The following SLC39A2 variants were observed in gnomAD, a reference collection of about 807,000 sequenced individuals.
SLC39A2 encodes zinc transporter ZIP2.
A neutral mutation model predicts 18.0 loss-of-function variants in SLC39A2; 14 were observed. The ratio of observed to expected loss-of-function variants is 0.78; its 90% CI spans 0.51 to 1.22. The LOEUF is 1.22. Among genes scored for constraint, SLC39A2 ranks in the 50% most tolerant of loss-of-function variants. SLC39A2 has a pLI of 0.00. For synonymous variants in SLC39A2, 152 were observed against 153.1 expected, an observed-to-expected ratio of 0.99 and a Z score of 0.05; for missense variants, 375 against 370.6, an observed-to-expected ratio of 1.01 and a Z score of -0.10.
Position 21,001,419 on chromosome 14 carries a change from C to T in SLC39A2, c.770C>T (p.Ala257Val), listed in dbSNP as rs1205106361. 3.7e-6 allele frequency: 6 copies of T among 1,614,060 alleles called. No homozygotes were observed. Among genetic ancestry groups the T allele is most frequent in the Non-Finnish European group, 5.1e-6 (6 of 1,179,944 alleles). Reference sequence around the variant, plus strand: ...GACTCTGAAGGAGGGCGGGGCTTAGCCCAGGCTGTGTTAGAGGGTGTGGCA... The same window carrying T: ...GACTCTGAAGGAGGGCGGGGCTTAGTCCAGGCTGTGTTAGAGGGTGTGGCA... ...GGDSEGGRGL[A>V]QAVLEGVAAG... Residue 257 changes from alanine (A) to valine (V), a missense_variant, in exon 4 of 4, where the codon GCC becomes GTC. Transcript: ENST00000298681.
chr14:20,999,866 G>C lies in SLC39A2; in HGVS notation c.240G>C (p.Met80Ile), dbSNP rs1193582825. The change falls in exon 2 of 4, where the codon ATG becomes ATC. Residue 80 changes from methionine (M) to isoleucine (I), a missense_variant. Coordinates refer to ENST00000298681, the MANE Select transcript of SLC39A2 (RefSeq NM_014579.4). ...TTGAATCACAGATTCAGAAGTTCATGGTGCAGGTGAGAGCAGAGATTTCAA... is the reference window on the plus strand; with the variant it reads ...TTGAATCACAGATTCAGAAGTTCATCGTGCAGGTGAGAGCAGAGATTTCAA... ...EEIESQIQKF[M>I]VQNRSASERN... The C allele has an allele frequency of 6.2e-7, 1 of 1,613,834 alleles. No individual in the cohort carries two copies. The highest frequency in any genetic ancestry group is 1.3e-5 in the African/African-American group (1 of 74,936).
chr14:21,001,431 T>TA lies in SLC39A2; in HGVS notation c.783dup (p.Glu262ArgfsTer23). On this transcript the variant is annotated frameshift_variant, in exon 4 of 4. Transcript: ENST00000298681. LOFTEE classifies it high-confidence loss of function. ...GGGCGGGGCTTAGCCCAGGCTGTGT[T>TA]AGAGGGTGTGGCAGCTGGTACCTTC... 6.2e-7 allele frequency: 1 copy of TA among 1,614,088 alleles called. No homozygotes were observed. Among genetic ancestry groups the TA allele is most frequent in the Non-Finnish European group, 8.5e-7 (1 of 1,179,946 alleles).
chr14:20,999,317 A>G lies in SLC39A2; in HGVS notation c.-130A>G. On this transcript the variant is annotated 5_prime_UTR_variant, in exon 1 of 4. Coordinates refer to ENST00000298681, the MANE Select transcript of SLC39A2 (RefSeq NM_014579.4). ...CAGAAGCAGAAGCAACACAGAAAGA[A>G]GATACCAACAGCCTCCTGAAACTCA... The G allele has an allele frequency of 1.5e-6, 1 of 675,914 alleles. No homozygotes were observed. Among genetic ancestry groups the G allele is most frequent in the Non-Finnish European group, 2.6e-6 (1 of 377,726 alleles). 41.9% of individuals were successfully genotyped at this position (675,914 alleles called of 1,614,324 possible).
rs754074276 is a variant in SLC39A2 at position 20,999,738 on chromosome 14, TTAGG to T, written c.116-2_117del. The stretch of plus-strand genomic sequence containing the variant: ...AGTGGGTTGTAACTTCTGCTTTTTA[TTAGG>T]TCATCACCGGCTAGTCCTCAGACTC... On this transcript the variant is annotated splice_acceptor_variant and splice_polypyrimidine_tract_variant and coding_sequence_variant and intron_variant, in exon 2 of 4. Coordinates refer to ENST00000298681, the MANE Select transcript of SLC39A2 (RefSeq NM_014579.4). LOFTEE classifies it high-confidence loss of function. 5.6e-6 allele frequency: 9 copies of T among 1,613,954 alleles called. No individual in the cohort carries two copies. In the East Asian group the frequency reaches 2.0e-4, roughly 36 times the overall value.
chr14:21,000,706 A>G (rs1053258473), intron 3 of SLC39A2, among the ~76,000 whole-genome samples: 4 of 152,112 alleles, frequency 2.6e-5, no homozygotes, highest in African/African-American at 9.7e-5. Context: ...TCCTGACCTC[A>G]AGTGATCTGC....
At chr14:21,000,861 A>T in intron 3 of SLC39A2, 86 bp from the exon 4 acceptor site, 2 of 1,141,634 alleles carry the variant, frequency 1.8e-6, no homozygotes, top group Non-Finnish European at 2.4e-6. Flanking sequence ...ACATTTTCTC[A>T]TTCTCTTCAA....
intron 3 of SLC39A2, among the ~76,000 whole-genome samples, chr14:21,000,450 C>T (rs1402120957): frequency 6.6e-6 from 1 of 152,152 alleles, no homozygotes; most frequent in Non-Finnish European, 1.5e-5. Context: ...CCCTTAGCCC[C>T]TCTGGCAGTC....
In SLC39A2 at chr14:21,001,692, C is replaced by T; in HGVS notation, c.*113C>T. 2.0e-5 allele frequency: 20 copies of T among 1,019,200 alleles called. No homozygotes were observed. The highest frequency in any genetic ancestry group is 2.7e-5 in the Non-Finnish European group (19 of 705,824). 63.1% of individuals were successfully genotyped at this position (1,019,200 alleles called of 1,614,324 possible). A position where few individuals can be genotyped will look rare whatever the true frequency, so the allele number is the denominator to read the frequency against. On this transcript the variant is annotated 3_prime_UTR_variant, in exon 4 of 4. Coordinates refer to ENST00000298681, the MANE Select transcript of SLC39A2 (RefSeq NM_014579.4). The stretch of plus-strand genomic sequence containing the variant: ...TTCTTTACTCAGACTAAATAGCATT[C>T]AGTAGGACTGGACTGGACCCCAGGT...
At position 20,999,398 on chromosome 14, in the gene SLC39A2, T is replaced by C. The variant is rs774566282; in HGVS notation, c.-49T>C. 5 of 1,411,002 alleles carry C rather than the reference T, an allele frequency of 3.5e-6. No homozygotes were observed. The East Asian group carries it at 1.1e-4, about 32-fold the overall frequency. The allele number at this position is 1,411,002 out of a possible 1,614,324, so 87.4% of individuals were successfully genotyped here. A position where few individuals can be genotyped will look rare whatever the true frequency, so the allele number is the denominator to read the frequency against. On this transcript the variant is annotated 5_prime_UTR_variant, in exon 1 of 4. Transcript: ENST00000298681. ...AAGATACCACTCCTGCTCCAAAGAT[T>C]ACAGCTCCCTTGTCATTCTGACTCC... is the stretch of plus-strand genomic sequence containing the variant.
In SLC39A2 at chr14:21,000,962, G is replaced by C; in HGVS notation, c.313G>C (p.Gly105Arg). Reference protein sequence around the residue: ...ADSAHMEYPYGELIISLGFFF... With the variant: ...ADSAHMEYPYRELIISLGFFF... Reference sequence around the variant, plus strand: ...TTGTTTCTAGATGGAGTATCCCTATGGAGAGCTCATCATCTCCCTGGGCTT... The same window carrying C: ...TTGTTTCTAGATGGAGTATCCCTATCGAGAGCTCATCATCTCCCTGGGCTT... The change falls in exon 4 of 4, where the codon GGA (glycine) becomes CGA (arginine). Residue 105 changes from glycine to arginine, a missense_variant. Physicochemically the swap from Gly to Arg is moderately radical, Grantham distance 125 (BLOSUM62 -2). Coordinates refer to ENST00000298681, the MANE Select transcript of SLC39A2 (RefSeq NM_014579.4). 1 of 1,511,380 alleles carries C rather than the reference G, an allele frequency of 6.6e-7. No individual in the cohort carries two copies. The highest frequency in any genetic ancestry group is 1.4e-5 in the South Asian group (1 of 72,474). The allele number at this position is 1,511,380 out of a possible 1,614,324, so 93.6% of individuals were successfully genotyped here.
rs1249892280 is a variant in SLC39A2 at position 21,001,057 on chromosome 14, G to A, written c.408G>A (p.Val136=). 6.2e-7 allele frequency: 1 copy of A among 1,606,348 alleles called. No homozygotes were observed. Among genetic ancestry groups the A allele is most frequent in the East Asian group, 2.2e-5 (1 of 44,764 alleles). ...CTGGGGCTGCTGGAGGATCGACAGT[G>A]CAGGACGAAGAATGGGGTGGGGCTC... ...CCPGAAGGST[V]QDEEWGGAHI... Residue 136 remains valine, a synonymous_variant, in exon 4 of 4, where the codon GTG becomes GTA. Coordinates refer to ENST00000298681, the MANE Select transcript of SLC39A2 (RefSeq NM_014579.4).
In SLC39A2 at chr14:21,001,296, A is replaced by C. The variant is rs527893268; in HGVS notation, c.647A>C (p.His216Pro). 1.3e-5 allele frequency: 21 copies of C among 1,614,196 alleles called. No individual in the cohort carries two copies. The East Asian group carries it at 2.2e-4, about 17-fold the overall frequency. The change falls in exon 4 of 4, where the codon CAT (histidine) becomes CCT (proline). Residue 216 changes from histidine to proline, a missense_variant. Transcript: ENST00000298681. Reference protein sequence around the residue: ...VVFGVGMRLVHLGTSSRWAVF... With the variant: ...VVFGVGMRLVPLGTSSRWAVF... Reference sequence around the variant, plus strand: ...TTTGGTGTAGGAATGCGGCTAGTGCATTTAGGTACCAGCTCACGATGGGCA... The same window carrying C: ...TTTGGTGTAGGAATGCGGCTAGTGCCTTTAGGTACCAGCTCACGATGGGCA...
chr14:21,001,706 T>C lies in SLC39A2; in HGVS notation c.*127T>C. ...TAAATAGCATTCAGTAGGACTGGAC[T>C]GGACCCCAGGTTTCCTTTACATGAG... On this transcript the variant is annotated 3_prime_UTR_variant, in exon 4 of 4. Coordinates refer to ENST00000298681, the MANE Select transcript of SLC39A2 (RefSeq NM_014579.4). 2.3e-6 allele frequency: 2 copies of C among 851,070 alleles called. No individual in the cohort carries two copies. The highest frequency in any genetic ancestry group is 5.3e-5 in the East Asian group (2 of 38,020). The allele number at this position is 851,070 out of a possible 1,614,324, so 52.7% of individuals were successfully genotyped here.
At chr14:20,999,693 T>C in intron 1 of SLC39A2, 49 bp from the exon 2 acceptor site, 1 of 1,611,860 alleles carries the variant, frequency 6.2e-7, no homozygotes, top group Non-Finnish European at 8.5e-7. Context: ...TACTCACCTT[T>C]GTCTGTCTCC....
Position 21,001,578 on chromosome 14 carries a change from G to A in SLC39A2, c.929G>A (p.Ter310=). The change falls in exon 4 of 4, where the codon TGA becomes TAA. Residue 310 remains the stop codon, a stop_retained_variant. Transcript: ENST00000298681. The stretch of plus-strand genomic sequence containing the variant: ...ATGGCCTTTATTGCCTTGTGGGCCT[G>A]AGAGATTCCTGGCTTTTCTGATGGA... The part of the protein sequence containing the change: ...AFMAFIALWA[*] 1 of 1,539,486 alleles carries A rather than the reference G, an allele frequency of 6.5e-7. No individual in the cohort carries two copies. Among genetic ancestry groups the A allele is most frequent in the East Asian group, 2.3e-5 (1 of 44,366 alleles).
rs756091366 is a variant in SLC39A2, at chr14:21,001,476, A to G, written c.827A>G (p.Glu276Gly). The G allele has an allele frequency of 1.9e-6, 3 of 1,613,808 alleles. No homozygotes were observed. In the Admixed American group the frequency reaches 5.0e-5, roughly 27 times the overall value. The change falls in exon 4 of 4, where the codon GAA (glutamate) becomes GGA (glycine). Residue 276 changes from glutamate (E) to glycine (G), a missense_variant. Physicochemically the swap from Glu to Gly is moderately conservative, Grantham distance 98. Coordinates refer to ENST00000298681, the MANE Select transcript of SLC39A2 (RefSeq NM_014579.4). The stretch of plus-strand genomic sequence containing the variant: ...ACCTTCCTGTATGTCACCTTCCTAG[A>G]AATTCTTCCACGGGAGCTAGCTAGT... ...AGTFLYVTFLEILPRELASPE... is the reference protein window; with the variant it reads ...AGTFLYVTFLGILPRELASPE...
At chr14:20,999,667 G>A (rs1880539763) in intron 1 of SLC39A2, 75 bp from the exon 2 acceptor site, 5 of 1,590,968 alleles carry the variant, frequency 3.1e-6, no homozygotes, top group African/African-American at 1.3e-5. Context: ...GATATTGAGT[G>A]CTGCCTGCTG....
chr14:21,001,457 CT>C lies in SLC39A2; in HGVS notation c.809del (p.Leu270ArgfsTer6). On this transcript the variant is annotated frameshift_variant, in exon 4 of 4. Transcript: ENST00000298681. LOFTEE classifies it high-confidence loss of function. Reference protein sequence around the residue: ...VLEGVAAGTFLYVTFLEILPR... With the variant: ...VLEGVAAGTFXYVTFLEILPR... Reference sequence around the variant, plus strand: ...AGAGGGTGTGGCAGCTGGTACCTTCCTGTATGTCACCTTCCTAGAAATTCTT... The same window carrying C: ...AGAGGGTGTGGCAGCTGGTACCTTCCGTATGTCACCTTCCTAGAAATTCTT... 1.2e-6 allele frequency: 2 copies of C among 1,613,992 alleles called. No individual in the cohort carries two copies. The highest frequency in any genetic ancestry group is 2.2e-5 in the South Asian group (2 of 91,088).
chr14:21,000,007 G>T, intron 2 of SLC39A2, 109 bp from the exon 3 acceptor site: 1 of 1,451,686 alleles, frequency 6.9e-7, no homozygotes, highest in South Asian at 1.3e-5. Flanking sequence ...TGTGTGGGAT[G>T]GTGAAAGCAA....
Sources: allele counts gnomAD v4.1 joint callset (sites outside exome capture counted in the v4.1 genomes callset), GRCh38; gene constraint gnomAD v4.1.1; transcripts MANE v1.5; gene names NCBI Gene and HGNC (gene_info 2026-07-23, HGNC 2026-07-21).